The following CAPRIN1 variants were observed in gnomAD, a reference collection of about 807,000 sequenced individuals.
CAPRIN1 encodes the protein caprin-1.
CAPRIN1 carries 29 observed loss-of-function variants against 100.9 expected under a neutral mutation model. The observed-to-expected ratio is 0.29, with a 90% CI of 0.21 to 0.39. The LOEUF (loss-of-function observed/expected upper bound fraction) is 0.39, where lower values mean the gene tolerates loss of function less well. CAPRIN1 is among the 10% of genes least tolerant of loss of function. The pLI, the probability that CAPRIN1 is intolerant of heterozygous loss-of-function variation, is 1.00. For synonymous variants in CAPRIN1, 338 were observed against 307.5 expected, an observed-to-expected ratio of 1.10 and a Z score of -1.04; for missense variants, 795 against 876.7, an observed-to-expected ratio of 0.91 and a Z score of 1.18.
chr11:34,098,925 C>T, intron 18 of CAPRIN1: 1 of 1,038,790 alleles, frequency 9.6e-7, no homozygotes, highest in Non-Finnish European at 1.2e-6. Context: ...GAAATGTAAG[C>T]TAGAGTGTAC....
At chr11:34,079,905 G>GTTTTTTTTTTTTTTTTTTTTTTTTTTTT (rs377455073) in intron 7 of CAPRIN1, 140 bp downstream of exon 7, 1 of 316,642 alleles carries the variant, frequency 3.2e-6, no homozygotes, top group Admixed American at 6.3e-5. Context: ...GCATGACAAA[G>GTTTTTTTTTTTTTTTTTTTTTTTTTTTT]TTTTTTTTTT....
At chr11:34,074,656 G>A (rs1850872277) in intron 4 of CAPRIN1, among the ~76,000 whole-genome samples, 1 of 152,218 alleles carries the variant, frequency 6.6e-6, no homozygotes. Context: ...GCCGAGGTGG[G>A]TGGATCACCT....
intron 2 of CAPRIN1, chr11:34,052,999 C>T (rs535207835): frequency 1.5e-4 from 162 of 1,054,110 alleles, no homozygotes; most frequent in Non-Finnish European, 1.7e-4. Flanking sequence ...GGCCCGATTT[C>T]TCTGACGAGG....
intron 4 of CAPRIN1, 97 bp downstream of exon 4, chr11:34,072,084 G>C: frequency 1.4e-6 from 1 of 726,180 alleles, no homozygotes; most frequent in Non-Finnish European, 2.3e-6. Context: ...TGCAAGGTGA[G>C]ACAGTTGTAT....
At chr11:34,094,224 C>T (rs1381986500) in intron 15 of CAPRIN1, among the ~76,000 whole-genome samples, 4 of 151,980 alleles carry the variant, frequency 2.6e-5, no homozygotes, top group East Asian at 2.0e-4. Flanking sequence ...CTGCAACCTC[C>T]GCCTCTTAGG....
intron 2 of CAPRIN1, 82 bp from the exon 3 acceptor site, chr11:34,071,644 A>C: frequency 1.1e-6 from 1 of 913,902 alleles, no homozygotes; most frequent in Non-Finnish European, 1.7e-6. Flanking sequence ...AACTTAGAGG[A>C]TTGTGAGGGT....
At position 34,096,608 on chromosome 11, in the gene CAPRIN1, G is replaced by T; in HGVS notation, c.1835G>T (p.Arg612Leu). 6.2e-7 allele frequency: 1 copy of T among 1,613,664 alleles called. No homozygotes were observed. The highest frequency in any genetic ancestry group is 8.5e-7 in the Non-Finnish European group (1 of 1,179,694). ...QPYYNSRGVS[R>L]GGSRGARGLM... ...TATTACAATAGTCGTGGTGTGTCTC[G>T]TGGAGGCTCCCGTGGTGCTAGAGGC... The change falls in exon 16 of 19, where the codon CGT becomes CTT. Residue 612 changes from arginine (R) to leucine (L), a missense_variant. Around this residue, in one of 3 missense-constraint regions of CAPRIN1, gnomAD observed 648 missense variants for 697.9 expected, o/e 0.93. Transcript: ENST00000341394.
At chr11:34,057,542 T>C (rs1158991769) in intron 2 of CAPRIN1, among the ~76,000 whole-genome samples, 1 of 152,234 alleles carries the variant, frequency 6.6e-6, no homozygotes, top group African/African-American at 2.4e-5. Context: ...ATTAATTTCC[T>C]AGTTTACATT....
intron 2 of CAPRIN1, among the ~76,000 whole-genome samples, chr11:34,062,806 C>T (rs902072695): frequency 6.6e-6 from 1 of 151,972 alleles, no homozygotes; most frequent in Non-Finnish European, 1.5e-5. Context: ...TTTAAGTATT[C>T]CCTCTCAGTT....
chr11:34,083,090 A>G (rs754389859), intron 9 of CAPRIN1, 49 bp downstream of exon 9: 1 of 1,230,216 alleles, frequency 8.1e-7, no homozygotes, highest in East Asian at 2.3e-5. Context: ...TTCAGTTAGT[A>G]ATTTTTATCT....
intron 2 of CAPRIN1, 176 bp downstream of exon 2, chr11:34,052,812 A>G: frequency 6.9e-7 from 1 of 1,452,850 alleles, no homozygotes; most frequent in Non-Finnish European, 9.0e-7. Context: ...TCGTGCCCAG[A>G]AAACGGGCTC....
chr11:34,074,746 G>A (rs1693333947), intron 4 of CAPRIN1, among the ~76,000 whole-genome samples: 1 of 152,236 alleles, frequency 6.6e-6, no homozygotes, highest in African/African-American at 2.4e-5. Context: ...AGCCGGGCTT[G>A]GCAGCACACA....
chr11:34,076,710 A>G, intron 6 of CAPRIN1, 68 bp downstream of exon 6: 1 of 1,088,526 alleles, frequency 9.2e-7, no homozygotes, highest in Non-Finnish European at 1.4e-6. Flanking sequence ...TCTTATGTTT[A>G]TAGTTCACTT....
Position 34,072,692 on chromosome 11 carries a change from G to A in CAPRIN1, c.366+705G>A, listed in dbSNP as rs115774487. Among the ~76,000 whole-genome samples the A allele has an allele frequency of 2.1e-3, 324 of 152,276 alleles. 4 individuals are homozygous for A. Among genetic ancestry groups the A allele is most frequent in the African/African-American group, 7.6e-3 (317 of 41,572 alleles). ...GAATAAGGACAAAAGTTAAATGCAA[G>A]CAAAGTCAGATAATTTGTTGAGGCC... On this transcript the variant is annotated intron_variant, in intron 4 of 18. Coordinates refer to ENST00000341394, the MANE Select transcript of CAPRIN1 (RefSeq NM_005898.5).
rs1851236643 is a variant in CAPRIN1, at chr11:34,090,271, A to G, written c.1386A>G (p.Glu462=). 1 of 1,612,990 alleles carries G rather than the reference A, an allele frequency of 6.2e-7. No individual in the cohort carries two copies. Among genetic ancestry groups the G allele is most frequent in the Admixed American group, 1.7e-5 (1 of 59,992 alleles). The stretch of plus-strand genomic sequence containing the variant: ...CTACAGAGCAACGACCACAGAAGGA[A>G]CCAATTGATCAGATTCAGGCAAGTT... ...SHATEQRPQK[E]PIDQIQATIS... The change falls in exon 13 of 19, where the codon GAA becomes GAG. Residue 462 remains glutamate, a synonymous_variant. Transcript: ENST00000341394.
chr11:34,052,327 G>C lies in CAPRIN1; in HGVS notation c.1-94G>C, dbSNP rs544190754. 2.4e-5 allele frequency: 25 copies of C among 1,045,896 alleles called. No homozygotes were observed. The East Asian group carries it at 6.2e-4, about 26-fold the overall frequency. 64.8% of individuals were successfully genotyped at this position (1,045,896 alleles called of 1,614,324 possible). On this transcript the variant is annotated intron_variant, in intron 1 of 18. Transcript: ENST00000341394. ...CCGCTCGCGTAGGCTACCGCTCGCT[G>C]CGCGTTTTGTCCCGCGTCTCGCCCC...
intron 18 of CAPRIN1, chr11:34,098,173 A>G: frequency 1.0e-6 from 1 of 1,001,224 alleles, no homozygotes; most frequent in Non-Finnish European, 1.2e-6. Context: ...ATTATATTTT[A>G]GGGCCAGACA....
intron 2 of CAPRIN1, chr11:34,053,721 G>A (rs1850386846): frequency 6.6e-6 from 1 of 152,212 alleles, no homozygotes; most frequent in South Asian, 2.1e-4. Context: ...TTCATCGCAG[G>A]ACAGTGTAAA....
intron 2 of CAPRIN1, among the ~76,000 whole-genome samples, chr11:34,060,085 A>G (rs561218026): frequency 6.6e-6 from 1 of 150,406 alleles, no homozygotes; most frequent in East Asian, 2.0e-4. Context: ...AGTTCCAGCT[A>G]CTTGGGAGGC....
Sources: gnomAD v4.1 joint callset for allele counts (sites outside exome capture counted in the v4.1 genomes callset) on GRCh38, gnomAD v4.1.1 for gene constraint, gnomAD v4.1.1 regional missense constraint, MANE v1.5 for transcripts, NCBI Gene and HGNC (gene_info 2026-07-23, HGNC 2026-07-21) for gene names.